Variants in KDM2A observed in about 807,000 individuals in gnomAD.
The protein encoded by KDM2A is lysine demethylase 2A.
KDM2A carries 3 observed loss-of-function variants against 137.3 expected under a neutral mutation model. That is an observed-to-expected ratio of 0.02 (90% confidence interval 0.01 to 0.06). The LOEUF is 0.06. Among genes scored for constraint, KDM2A ranks in the 10% least tolerant of loss-of-function variants. The pLI is 1.00. For missense variants in KDM2A, 738 were observed against 1,510.6 expected, an observed-to-expected ratio of 0.49 and a Z score of 8.48; for synonymous variants, 512 against 541.5, an observed-to-expected ratio of 0.95 and a Z score of 0.76.
At chr11:67,218,013 A>G (rs1858223565) in intron 9 of KDM2A, 129 bp downstream of exon 9, 5 of 810,986 alleles carry the variant, frequency 6.2e-6, no homozygotes, top group Non-Finnish European at 9.5e-6. Flanking sequence ...TCTTCCTGTC[A>G]TTATGGAATA....
At chr11:67,217,621 C>T (rs1858209877) in intron 8 of KDM2A, 110 bp from the exon 9 acceptor site, 1 of 1,065,618 alleles carries the variant, frequency 9.4e-7, no homozygotes, top group Non-Finnish European at 1.4e-6. Context: ...GGGAAAATTG[C>T]TTGCCTTTCT....
At chr11:67,195,997 T>C (rs750784145) in intron 5 of KDM2A, 5 of 429,356 alleles carry the variant, frequency 1.2e-5, no homozygotes, top group Non-Finnish European at 2.3e-5. Context: ...TTCAAACTTA[T>C]CTCAGAACCA....
chr11:67,155,227 G>A (rs1325866965), intron 2 of KDM2A, among the ~76,000 whole-genome samples: 2 of 152,238 alleles, frequency 1.3e-5, no homozygotes, highest in East Asian at 3.9e-4. Context: ...TGTTGGCCAG[G>A]CTGGTCTCGA....
At chr11:67,182,158 C>T (rs10128545) in intron 5 of KDM2A, among the ~76,000 whole-genome samples, 12,303 of 152,108 alleles carry the variant, frequency 0.081, 1,678 homozygotes, top group African/African-American at 0.28. Flanking sequence ...TCTAGGGCAA[C>T]CTTTCCAAGA....
At chr11:67,199,772 A>G (rs1282751141) in intron 5 of KDM2A, among the ~76,000 whole-genome samples, 1 of 152,218 alleles carries the variant, frequency 6.6e-6, no homozygotes, top group African/African-American at 2.4e-5. Flanking sequence ...ACCAGCTAGG[A>G]TCATTGATGA....
At chr11:67,193,815 C>T (rs1372030245) in intron 5 of KDM2A, among the ~76,000 whole-genome samples, 1 of 152,142 alleles carries the variant, frequency 6.6e-6, no homozygotes, top group Non-Finnish European at 1.5e-5. Context: ...AAGCTGAGAC[C>T]ATGTCGTTGT....
Position 67,248,364 on chromosome 11 carries a change from A to G in KDM2A, c.2049A>G (p.Lys683=), listed in dbSNP as rs1468705323. The change falls in exon 16 of 21, where the codon AAA becomes AAG. Residue 683 remains lysine, a synonymous_variant. Coordinates refer to ENST00000529006, the MANE Select transcript of KDM2A (RefSeq NM_012308.3). The part of the protein sequence containing the change: ...PKCYQEDSSE[K]AQKRKMEESD... ...GCTACCAGGAGGACAGCTCGGAGAA[A>G]GCCCAGGTAAAGGAACCTTATCAGA... 8.8e-6 allele frequency: 14 copies of G among 1,599,082 alleles called. No individual in the cohort carries two copies. The highest frequency in any genetic ancestry group is 1.2e-5 in the Non-Finnish European group (14 of 1,172,318).
rs1261309437 is a variant in KDM2A at position 67,207,498 on chromosome 11, C to T, written c.308-12C>T. On this transcript the variant is annotated splice_polypyrimidine_tract_variant and intron_variant, in intron 5 of 20. Transcript: ENST00000529006. ...GGCTCGATAGAGATGATCGATGCATCTTTTATGGCAGGGAGTCGTCGCATG... is the reference window on the plus strand; with the variant it reads ...GGCTCGATAGAGATGATCGATGCATTTTTTATGGCAGGGAGTCGTCGCATG... 1.3e-6 allele frequency: 2 copies of T among 1,576,186 alleles called. No homozygotes were observed. Among genetic ancestry groups the T allele is most frequent in the Admixed American group, 1.7e-5 (1 of 58,560 alleles).
At chr11:67,199,026 G>A (rs1182251085) in intron 5 of KDM2A, among the ~76,000 whole-genome samples, 1 of 151,986 alleles carries the variant, frequency 6.6e-6, no homozygotes, top group Non-Finnish European at 1.5e-5. Flanking sequence ...TGATTCACCC[G>A]CCTTGGCCTC....
intron 15 of KDM2A, among the ~76,000 whole-genome samples, 164 bp downstream of exon 15, chr11:67,246,280 C>T (rs1392325272): frequency 6.6e-6 from 1 of 152,138 alleles, no homozygotes; most frequent in Non-Finnish European, 1.5e-5. Flanking sequence ...CATATATGTA[C>T]AATGTGTCAG....
chr11:67,214,521 T>C (rs1278980424), intron 6 of KDM2A, among the ~76,000 whole-genome samples: 2 of 152,152 alleles, frequency 1.3e-5, no homozygotes, highest in African/African-American at 4.8e-5. Flanking sequence ...GTATTTTTAG[T>C]AGAGACGGGA....
chr11:67,210,521 G>T (rs1857948077), intron 6 of KDM2A, among the ~76,000 whole-genome samples: 1 of 151,982 alleles, frequency 6.6e-6, no homozygotes, highest in African/African-American at 2.4e-5. Flanking sequence ...TAGTTTTAAT[G>T]ATAAAAATGT....
At chr11:67,216,670 C>T (rs182671157) in intron 8 of KDM2A, among the ~76,000 whole-genome samples, 11 of 151,658 alleles carry the variant, frequency 7.3e-5, no homozygotes, top group Non-Finnish European at 1.3e-4. Context: ...CCTGTAATCC[C>T]AGCACTTTGG....
chr11:67,207,749 C>T lies in KDM2A; in HGVS notation c.486+61C>T, dbSNP rs1198654822. On this transcript the variant is annotated intron_variant, in intron 6 of 20. Coordinates refer to ENST00000529006, the MANE Select transcript of KDM2A (RefSeq NM_012308.3). ...ACCAAAAGGGTTGTTTTCGGCTGGA[C>T]GTTGGTAACTGATGCTTGTTATCCC... is the stretch of plus-strand genomic sequence containing the variant. 6.8e-6 allele frequency: 9 copies of T among 1,327,544 alleles called. No homozygotes were observed. In the East Asian group the frequency reaches 7.8e-5, roughly 12 times the overall value. The allele number at this position is 1,327,544 out of a possible 1,614,324, so 82.2% of individuals were successfully genotyped here.
At chr11:67,192,131 T>C (rs1363840020) in intron 5 of KDM2A, among the ~76,000 whole-genome samples, 1 of 152,210 alleles carries the variant, frequency 6.6e-6, no homozygotes, top group Non-Finnish European at 1.5e-5. Context: ...TTCATCTCTT[T>C]TTGCAGAAGT....
intron 5 of KDM2A, among the ~76,000 whole-genome samples, chr11:67,203,464 T>TTATC (rs72286994): frequency 0.98 from 144,785 of 147,096 alleles, 71,262 homozygotes; most frequent in East Asian, 1. Flanking sequence ...TATTTATTAA[T>TTATC]TATTAATAAT....
In KDM2A at chr11:67,254,808, G is replaced by A. The variant is rs1859549128; in HGVS notation, c.3308-66G>A. 1.4e-6 allele frequency: 2 copies of A among 1,418,284 alleles called. No homozygotes were observed. The highest frequency in any genetic ancestry group is 2.8e-5 in the African/African-American group (2 of 70,772). 87.9% of individuals were successfully genotyped at this position (1,418,284 alleles called of 1,614,324 possible). A position where few individuals can be genotyped will look rare whatever the true frequency, so the allele number is the denominator to read the frequency against. On this transcript the variant is annotated intron_variant, in intron 20 of 20. Coordinates refer to ENST00000529006, the MANE Select transcript of KDM2A (RefSeq NM_012308.3). This position sits in a 1 kb window ranked among gnomAD's most constrained non-coding sequence, Gnocchi z 4.7. ...GCATTTTGAAGGAAAGACGGCTACA[G>A]GAATTGAATGGCAGAGGAAAGCTGT...
At chr11:67,124,206 G>A (rs1318514657) in intron 2 of KDM2A, among the ~76,000 whole-genome samples, 1 of 152,074 alleles carries the variant, frequency 6.6e-6, no homozygotes, top group African/African-American at 2.4e-5. Context: ...GTTTCACCAT[G>A]TTGGCCAGGC....
At chr11:67,159,703 CATTTGATAGGT>C (rs1856593827) in intron 2 of KDM2A, among the ~76,000 whole-genome samples, 1 of 152,156 alleles carries the variant, frequency 6.6e-6, no homozygotes, top group Non-Finnish European at 1.5e-5. Flanking sequence ...ATTTGTCAGG[CATTTGATAGGT>C]ACTGGGAAGA....
Sources: allele counts gnomAD v4.1 joint callset (sites outside exome capture counted in the v4.1 genomes callset), GRCh38; gene constraint gnomAD v4.1.1; non-coding constraint Gnocchi (gnomAD v3.1); transcripts MANE v1.5; gene names NCBI Gene and HGNC (gene_info 2026-07-23, HGNC 2026-07-21).